Variants in AFF1 observed in about 807,000 individuals in gnomAD.
The protein encoded by AFF1 is ALF transcription elongation factor 1, also known as AF4/FMR2 family member 1.
A neutral mutation model predicts 121.7 loss-of-function variants in AFF1; 48 were observed. The ratio of observed to expected loss-of-function variants is 0.39; its 90% CI spans 0.31 to 0.50. The LOEUF is 0.50. Among genes scored for constraint, AFF1 ranks in the 20% least tolerant of loss-of-function variants. The pLI is 0.76. For missense variants in AFF1, 1,523 were observed against 1,511.7 expected, an observed-to-expected ratio of 1.01 and a Z score of -0.12; for synonymous variants, 613 against 563.0, an observed-to-expected ratio of 1.09 and a Z score of -1.26.
Position 87,047,072 on chromosome 4 carries a change from T to C in AFF1, c.537T>C (p.Ser179=). The C allele has an allele frequency of 6.2e-7, 1 of 1,614,038 alleles. No homozygotes were observed. The highest frequency in any genetic ancestry group is 8.5e-7 in the Non-Finnish European group (1 of 1,179,996). ...DRLGQEGFGS[S]HHKKGDRRAD... ...TTGGTCAGGAGGGGTTCGGCTCTAG[T>C]CATCACAAGAAAGGTGACCGAAGAG... The change falls in exon 4 of 21, where the codon AGT becomes AGC. Residue 179 remains serine, a synonymous_variant. Transcript: ENST00000395146.
intron 2 of AFF1, among the ~76,000 whole-genome samples, chr4:86,990,591 C>T (rs978849699): frequency 6.6e-6 from 1 of 151,972 alleles, no homozygotes; most frequent in African/African-American, 2.4e-5. Flanking sequence ...CATTAGTGGC[C>T]AGCAAGAAGG....
At chr4:86,954,637 G>C (rs1721612283) in intron 2 of AFF1, among the ~76,000 whole-genome samples, 1 of 152,134 alleles carries the variant, frequency 6.6e-6, no homozygotes, top group African/African-American at 2.4e-5. Flanking sequence ...CCTGAGGTGG[G>C]AGGATTGCTT....
chr4:87,053,972 G>A (rs1052751686), intron 4 of AFF1, among the ~76,000 whole-genome samples: 2 of 152,160 alleles, frequency 1.3e-5, no homozygotes, highest in African/African-American at 2.4e-5. Context: ...AGGGGTGTTG[G>A]GGCTTAAGCA....
chr4:87,134,591 C>T lies in AFF1; in HGVS notation c.3432C>T (p.Val1144=). Residue 1144 remains valine, a synonymous_variant, in exon 20 of 21, where the codon GTC becomes GTT. Coordinates refer to ENST00000395146, the MANE Select transcript of AFF1 (RefSeq NM_001166693.3). ...SGVAATISTP[V]TIQNMTSSYV... ...TGGCTGCCACTATCAGCACCCCAGT[C>T]ACCATCCAGAATATGACATCTTCCT... 6.2e-7 allele frequency: 1 copy of T among 1,614,178 alleles called. No individual in the cohort carries two copies. The highest frequency in any genetic ancestry group is 8.5e-7 in the Non-Finnish European group (1 of 1,180,028).
chr4:86,939,897 A>G (rs768649699), intron 1 of AFF1, among the ~76,000 whole-genome samples: 2 of 152,240 alleles, frequency 1.3e-5, no homozygotes, highest in African/African-American at 2.4e-5. Context: ...TTTCTGGAAC[A>G]ACACTTTGAG....
intron 2 of AFF1, among the ~76,000 whole-genome samples, chr4:87,029,624 C>T (rs1047372080): frequency 6.6e-6 from 1 of 152,176 alleles, no homozygotes; most frequent in African/African-American, 2.4e-5. Flanking sequence ...GGAGTTCTTA[C>T]TCCCAGAGTG....
intron 2 of AFF1, among the ~76,000 whole-genome samples, chr4:87,012,175 T>A (rs1212098365): frequency 1.3e-5 from 2 of 151,536 alleles, no homozygotes; most frequent in Non-Finnish European, 2.9e-5. Context: ...TTGAGGTATA[T>A]ATAAACTTAG....
chr4:87,003,782 C>A (rs1341143322), intron 2 of AFF1, among the ~76,000 whole-genome samples: 2 of 151,984 alleles, frequency 1.3e-5, no homozygotes, highest in African/African-American at 4.8e-5. Flanking sequence ...AAAACAGCCA[C>A]CAAAAAATTA....
At chr4:87,128,715 T>C (rs1431096148) in intron 16 of AFF1, among the ~76,000 whole-genome samples, 1 of 152,220 alleles carries the variant, frequency 6.6e-6, no homozygotes, top group Non-Finnish European at 1.5e-5. Context: ...TCAGATACCC[T>C]TGCATTAGGC....
Position 87,063,228 on chromosome 4 carries a change from C to CTTTTTTTT in AFF1, c.1059+15655_1059+15662dup. On this transcript the variant is annotated intron_variant, in intron 4 of 20. Transcript: ENST00000395146. Reference sequence around the variant, plus strand: ...ATGTATAAGCATAGTAGATTCACCTCTTTTTTTTTTTTTTTTTTTTTTTTT... The same window carrying CTTTTTTTT: ...ATGTATAAGCATAGTAGATTCACCTCTTTTTTTTTTTTTTTTTTTTTTTTTTTTTTTTT... 3.9e-3 allele frequency among the ~76,000 whole-genome samples: 175 copies of CTTTTTTTT among 44,432 alleles called. 40 individuals are homozygous for CTTTTTTTT. The highest frequency in any genetic ancestry group is 7.1e-3 in the African/African-American group (90 of 12,678). 29.1% of individuals were successfully genotyped at this position (44,432 alleles called of 152,430 possible). A position where few individuals can be genotyped will look rare whatever the true frequency, so the allele number is the denominator to read the frequency against.
intron 2 of AFF1, among the ~76,000 whole-genome samples, chr4:86,961,599 T>G (rs1483488652): frequency 6.7e-6 from 1 of 148,706 alleles, no homozygotes; most frequent in Non-Finnish European, 1.5e-5. Context: ...GGGGGCTGAG[T>G]GATGGGAATA....
chr4:87,089,989 G>T lies in AFF1; in HGVS notation c.1110G>T (p.Met370Ile). ...VHCVEEILKE[M>I]THSWPPPLTA... ...CTTTCCAAATATCTTTCCAGGAAAT[G>T]ACCCATTCATGGCCGCCTCCTTTGA... is the stretch of plus-strand genomic sequence containing the variant. Residue 370 changes from methionine (M) to isoleucine (I), a missense_variant, in exon 6 of 21, where the codon ATG (methionine) becomes ATT (isoleucine). Transcript: ENST00000395146. 1.2e-6 allele frequency: 2 copies of T among 1,613,206 alleles called. No individual in the cohort carries two copies. Among genetic ancestry groups the T allele is most frequent in the Non-Finnish European group, 1.7e-6 (2 of 1,179,556 alleles).
Position 87,003,382 on chromosome 4 carries a change from G to A in AFF1, c.39-42784G>A, listed in dbSNP as rs557953305. 7.2e-5 allele frequency among the ~76,000 whole-genome samples: 11 copies of A among 152,204 alleles called. No individual in the cohort carries two copies. The East Asian group carries it at 1.7e-3, about 24-fold the overall frequency. On this transcript the variant is annotated intron_variant, in intron 2 of 20. Transcript: ENST00000395146. ...GGGCTCACGCAATCCTCTTGCCTCA[G>A]CCTCCCAAGTAGCTAGAACTATATA...
intron 12 of AFF1, among the ~76,000 whole-genome samples, chr4:87,115,812 T>A (rs1226049460): frequency 6.6e-6 from 1 of 151,912 alleles, no homozygotes; most frequent in East Asian, 1.9e-4. Flanking sequence ...GGTTTTGCCA[T>A]GTTGGCCAGG....
At chr4:87,083,328 T>G (rs1425002415) in intron 4 of AFF1, among the ~76,000 whole-genome samples, 1 of 152,240 alleles carries the variant, frequency 6.6e-6, no homozygotes, top group Non-Finnish European at 1.5e-5. Flanking sequence ...CCTTACAGTC[T>G]TTCTCTGAAA....
chr4:86,982,275 C>T (rs1039521795), intron 2 of AFF1, among the ~76,000 whole-genome samples: 3 of 151,662 alleles, frequency 2.0e-5, no homozygotes, highest in Non-Finnish European at 2.9e-5. Context: ...GGAAGTTGAT[C>T]CATACTTAGC....
At chr4:87,091,724 C>G in intron 6 of AFF1, 69 bp from the exon 7 acceptor site, 1 of 1,081,174 alleles carries the variant, frequency 9.2e-7, no homozygotes, top group South Asian at 1.5e-5. Context: ...ACTAAAAGCT[C>G]AACGGTTTTC....
chr4:87,052,646 A>G (rs921042408), intron 4 of AFF1, among the ~76,000 whole-genome samples: 1 of 151,966 alleles, frequency 6.6e-6, no homozygotes, highest in Admixed American at 6.6e-5. Flanking sequence ...CTTTTTAAAA[A>G]ACTGTAACTC....
At chr4:87,084,014 A>AG in intron 4 of AFF1, 106 bp from the exon 5 acceptor site, 5 of 995,364 alleles carry the variant, frequency 5.0e-6, no homozygotes, top group Admixed American at 1.8e-5. Context: ...AGCTAGTAGA[A>AG]GGTAAGCCTT....
Sources: allele counts gnomAD v4.1 joint callset (sites outside exome capture counted in the v4.1 genomes callset), GRCh38; gene constraint gnomAD v4.1.1; transcripts MANE v1.5; gene names NCBI Gene and HGNC (gene_info 2026-07-23, HGNC 2026-07-21).